NUP54: variants seen among roughly 807,000 people sequenced by gnomAD.
The protein encoded by NUP54 is nucleoporin p54.
In NUP54, 27 loss-of-function variants were observed where a neutral mutation model predicts 66.4. The observed-to-expected ratio is 0.41, with a 90% CI of 0.30 to 0.56. The LOEUF is 0.56. NUP54 is among the 20% of genes least tolerant of loss of function. NUP54 has a pLI of 0.34. For missense variants in NUP54, 486 were observed against 596.3 expected (o/e 0.82, Z 1.93); for synonymous variants, 206 against 210.7 (o/e 0.98, Z 0.19).
intron 9 of NUP54, among the ~76,000 whole-genome samples, chr4:76,119,131 A>G (rs1360117340): frequency 6.6e-6 from 1 of 152,236 alleles, no homozygotes; most frequent in Non-Finnish European, 1.5e-5. Flanking sequence ...AGATGAGTTT[A>G]TAATATTTAG....
intron 9 of NUP54, among the ~76,000 whole-genome samples, chr4:76,119,737 C>G (rs1290714254): frequency 1.3e-5 from 2 of 151,998 alleles, no homozygotes; most frequent in Non-Finnish European, 2.9e-5. Context: ...GCAGTGGCCT[C>G]TAAAGGCAGA....
At chr4:76,144,854 GAGTAA>G (rs544315236) in intron 1 of NUP54, among the ~76,000 whole-genome samples, 4 of 152,162 alleles carry the variant, frequency 2.6e-5, no homozygotes, top group Non-Finnish European at 4.4e-5. Flanking sequence ...TAACAGTAAA[GAGTAA>G]AGTAGACTAT....
chr4:76,140,405 CCT>C (rs201125909), intron 3 of NUP54, among the ~76,000 whole-genome samples: 3,954 of 151,388 alleles, frequency 0.026, 69 homozygotes, highest in Non-Finnish European at 0.042. Context: ...CATGTCTCAG[CCT>C]CCCGAGTAAC....
chr4:76,144,434 C>A lies in NUP54; in HGVS notation c.107G>T (p.Gly36Val), dbSNP rs1731400114. The A allele has an allele frequency of 1.2e-6, 2 of 1,608,628 alleles. No individual in the cohort carries two copies. Among genetic ancestry groups the A allele is most frequent in the South Asian group, 2.2e-5 (2 of 89,000 alleles). The part of the protein sequence containing the change: ...GGFGTTSTTA[G>V]SAFSFSAPTN... ...TGGGGCAGAAAAGCTGAATGCAGAA[C>A]CTGCAGTTGTAGATGTTGTCCCAAA... is the stretch of plus-strand genomic sequence containing the variant. Residue 36 changes from glycine to valine, a missense_variant, in exon 2 of 12, where the codon GGT (glycine) becomes GTT (valine). By Grantham distance (109) the Gly-to-Val change is moderately radical. This residue lies in a region of NUP54 where 145 missense variants were observed against 137.1 expected (regional missense o/e 1.06). Transcript: ENST00000264883.
chr4:76,117,803 A>G (rs780012208), intron 10 of NUP54, 29 bp from the exon 11 acceptor site: 25 of 1,520,220 alleles, frequency 1.6e-5, no homozygotes, highest in East Asian at 2.2e-5. Context: ...TCAAATTACA[A>G]CTGCCGACGA....
intron 1 of NUP54, among the ~76,000 whole-genome samples, chr4:76,144,993 G>C (rs62300633): frequency 0.13 from 19,994 of 152,112 alleles, 1,539 homozygotes; most frequent in East Asian, 0.35. Flanking sequence ...TACCCCAAGA[G>C]AAACAGGAAA....
intron 3 of NUP54, among the ~76,000 whole-genome samples, chr4:76,142,405 AT>A (rs1731301419): frequency 1.3e-5 from 2 of 152,298 alleles, no homozygotes; most frequent in Non-Finnish European, 2.9e-5. Flanking sequence ...AGTAGGATGA[AT>A]TTTAGCTAGT....
chr4:76,130,644 C>T lies in NUP54; in HGVS notation c.1056+12G>A, dbSNP rs189681574. On this transcript the variant is annotated intron_variant, in intron 8 of 11. Transcript: ENST00000264883. ...ACTTCCAGGGCCAGGGAATAAAAAG[C>T]TAAATGCTTACATCTAATCTGGTTT... The T allele has an allele frequency of 1.3e-6, 2 of 1,589,794 alleles. No homozygotes were observed. The highest frequency in any genetic ancestry group is 1.7e-6 in the Non-Finnish European group (2 of 1,158,176).
At chr4:76,141,149 T>C (rs6838435) in intron 3 of NUP54, among the ~76,000 whole-genome samples, 1 of 151,858 alleles carries the variant, frequency 6.6e-6, no homozygotes, top group Non-Finnish European at 1.5e-5. Context: ...CTAATAAGTA[T>C]GAGGAATACA....
At chr4:76,145,508 TGTCAAGACTAAG>T in intron 1 of NUP54, 1 of 1,055,770 alleles carries the variant, frequency 9.5e-7, no homozygotes, top group African/African-American at 1.7e-5. Flanking sequence ...ACTTAGTCTC[TGTCAAGACTAAG>T]TAACTTTTCA....
chr4:76,139,474 G>A (rs1731172541), intron 3 of NUP54, among the ~76,000 whole-genome samples: 1 of 152,124 alleles, frequency 6.6e-6, no homozygotes, highest in African/African-American at 2.4e-5. Context: ...ACAGAATGGG[G>A]GGCATTTAAC....
Position 76,144,284 on chromosome 4 carries a change from CAA to C in NUP54, c.158_159del (p.Phe53TrpfsTer21). ...CCAAAACCTTTGTTCTGAGTACCAC[CAA>C]AGAGTCCTTTGAATGAAAAATTGGA... ...APTNTGTTGL[F>X]GGTQNKGFGF... On this transcript the variant is annotated frameshift_variant, in exon 3 of 12. Transcript: ENST00000264883. LOFTEE classifies it high-confidence loss of function. 4 of 1,607,174 alleles carry C rather than the reference CAA, an allele frequency of 2.5e-6. No homozygotes were observed. The highest frequency in any genetic ancestry group is 3.4e-6 in the Non-Finnish European group (4 of 1,178,206).
intron 7 of NUP54, chr4:76,131,001 A>G: frequency 1.6e-6 from 1 of 607,860 alleles, no homozygotes. Context: ...TTCCGCTCCT[A>G]GTTAGTTCTC....
chr4:76,138,995 AAAT>A (rs1183038462), intron 3 of NUP54, among the ~76,000 whole-genome samples: 1 of 152,226 alleles, frequency 6.6e-6, no homozygotes, highest in African/African-American at 2.4e-5. Flanking sequence ...ATACCATTAG[AAAT>A]AATGAGACCG....
intron 5 of NUP54, among the ~76,000 whole-genome samples, chr4:76,132,960 C>A (rs553155371): frequency 6.6e-6 from 1 of 151,372 alleles, no homozygotes; most frequent in African/African-American, 2.4e-5. Flanking sequence ...GCAATTCTCC[C>A]ACCTCAGCCT....
intron 1 of NUP54, chr4:76,145,491 T>C: frequency 3.3e-6 from 3 of 899,392 alleles, no homozygotes; most frequent in Non-Finnish European, 4.4e-6. Context: ...AATTAACTTA[T>C]ATTTCTACTT....
chr4:76,143,371 C>T (rs1419101122), intron 3 of NUP54, among the ~76,000 whole-genome samples: 2 of 152,138 alleles, frequency 1.3e-5, no homozygotes, highest in East Asian at 1.9e-4. Flanking sequence ...TTTGGGAGGC[C>T]GAGGCAGGCA....
intron 9 of NUP54, among the ~76,000 whole-genome samples, chr4:76,120,006 C>T (rs1730158497): frequency 6.6e-6 from 1 of 151,932 alleles, no homozygotes; most frequent in Non-Finnish European, 1.5e-5. Flanking sequence ...AGAAGTATAG[C>T]TCTAATTTGT....
At chr4:76,144,120 G>A (rs906943098) in intron 3 of NUP54, 29 bp downstream of exon 3, 2 of 1,611,566 alleles carry the variant, frequency 1.2e-6, no homozygotes, top group Non-Finnish European at 1.7e-6. Context: ...TCACGGTTTT[G>A]TATTTGAAGC....
Sources: allele counts gnomAD v4.1 joint callset (sites outside exome capture counted in the v4.1 genomes callset), GRCh38; gene constraint gnomAD v4.1.1; regional missense constraint gnomAD v4.1.1; transcripts MANE v1.5; gene names NCBI Gene and HGNC (gene_info 2026-07-23, HGNC 2026-07-21).